MVB12B: variants seen among roughly 807,000 people sequenced by gnomAD.
The protein encoded by MVB12B is ESCRT-I complex subunit MVB12B.
In MVB12B, 16 loss-of-function variants were observed where a neutral mutation model predicts 41.6. The ratio of observed to expected loss-of-function variants is 0.38; its 90% confidence interval spans 0.26 to 0.58. The LOEUF (loss-of-function observed/expected upper bound fraction) is 0.58, where lower values mean the gene tolerates loss of function less well. Ranked by LOEUF, MVB12B falls within the 20% of genes least tolerant of loss-of-function variation. MVB12B has a pLI of 0.62. For missense variants in MVB12B, 274 were observed against 380.2 expected (o/e 0.72, Z 2.32); for synonymous variants, 133 against 139.7 (o/e 0.95, Z 0.34).
At chr9:126,470,929 T>A (rs918334922) in intron 7 of MVB12B, among the ~76,000 whole-genome samples, 4 of 152,216 alleles carry the variant, frequency 2.6e-5, no homozygotes, top group Admixed American at 2.0e-4. Context: ...GTAATAACAC[T>A]AACACTAATA....
intron 8 of MVB12B, among the ~76,000 whole-genome samples, chr9:126,482,951 C>G (rs2119208568): frequency 6.6e-6 from 1 of 152,392 alleles, no homozygotes; most frequent in African/African-American, 2.4e-5. Context: ...TAACCCGCAG[C>G]TGCATCGCCA....
At chr9:126,404,819 G>C (rs60571613) in intron 6 of MVB12B, among the ~76,000 whole-genome samples, 1 of 152,234 alleles carries the variant, frequency 6.6e-6, no homozygotes, top group East Asian at 1.9e-4. Context: ...TCTGGTGATC[G>C]TGAGAGTGGC....
rs1830494328 is a variant in MVB12B, at chr9:126,376,850, C to T, written c.205-4214C>T. ...CTGGGGTGGGCACCTGGGAGTCTAA[C>T]CACTTTGTTTATGAACCTTGTTTCA... On this transcript the variant is annotated intron_variant, in intron 2 of 9. Coordinates refer to ENST00000361171, the MANE Select transcript of MVB12B (RefSeq NM_033446.3). This position sits in a 1 kb window ranked among gnomAD's most constrained non-coding sequence, Gnocchi z 4.1. Among the ~76,000 whole-genome samples the T allele has an allele frequency of 6.6e-6, 1 of 152,160 alleles. No homozygotes were observed. The highest frequency in any genetic ancestry group is 1.5e-5 in the Non-Finnish European group (1 of 68,036).
At chr9:126,450,686 T>C (rs76327823) in intron 7 of MVB12B, among the ~76,000 whole-genome samples, 1 of 152,210 alleles carries the variant, frequency 6.6e-6, no homozygotes, top group East Asian at 1.9e-4. Context: ...TCAAGTCTCA[T>C]AGCAACCCAA....
At chr9:126,373,853 A>G (rs1830408852) in intron 2 of MVB12B, among the ~76,000 whole-genome samples, 1 of 152,264 alleles carries the variant, frequency 6.6e-6, no homozygotes. Flanking sequence ...AAAAGCAGAA[A>G]TACAGGGGAA....
chr9:126,366,551 G>A (rs1256271701), intron 2 of MVB12B, among the ~76,000 whole-genome samples: 3 of 152,034 alleles, frequency 2.0e-5, no homozygotes, highest in South Asian at 2.1e-4. Context: ...ATTTTATAAC[G>A]TGCTTATTAT....
At chr9:126,446,148 T>C (rs1012763553) in intron 7 of MVB12B, among the ~76,000 whole-genome samples, 1 of 149,790 alleles carries the variant, frequency 6.7e-6, no homozygotes, top group Admixed American at 6.7e-5. Context: ...TTTCCAAAGA[T>C]TTTTTTTTTA....
At chr9:126,420,182 A>T (rs1185652875) in intron 6 of MVB12B, among the ~76,000 whole-genome samples, 1 of 152,200 alleles carries the variant, frequency 6.6e-6, no homozygotes, top group South Asian at 2.1e-4. Context: ...CTCCGAGCAC[A>T]TGTCACGTTG....
At chr9:126,461,827 C>T (rs572130874) in intron 7 of MVB12B, among the ~76,000 whole-genome samples, 255 of 141,834 alleles carry the variant, frequency 1.8e-3, no homozygotes, top group African/African-American at 6.7e-3. Context: ...GGCTGGCCAG[C>T]GCTGGGAGGG....
chr9:126,440,081 C>T (rs1341534717), intron 7 of MVB12B, among the ~76,000 whole-genome samples: 1 of 152,140 alleles, frequency 6.6e-6, no homozygotes, highest in Admixed American at 6.6e-5. Context: ...GGAATTAATG[C>T]CTGGTTTGGA....
chr9:126,446,893 C>T, intron 7 of MVB12B, among the ~76,000 whole-genome samples: 1 of 139,088 alleles, frequency 7.2e-6, no homozygotes, highest in Admixed American at 7.1e-5. Context: ...TTGCTTTATA[C>T]TATTTAATAA....
chr9:126,414,587 A>G (rs1406925549), intron 6 of MVB12B, among the ~76,000 whole-genome samples: 2 of 152,208 alleles, frequency 1.3e-5, no homozygotes, highest in East Asian at 3.8e-4. Flanking sequence ...TCCAAGACCT[A>G]CTGGGGAAGG....
intron 6 of MVB12B, among the ~76,000 whole-genome samples, chr9:126,413,469 C>T (rs985461688): frequency 6.6e-6 from 1 of 152,130 alleles, no homozygotes; most frequent in Admixed American, 6.5e-5. Context: ...TAGGTCATTT[C>T]CCACATTTCA....
intron 7 of MVB12B, among the ~76,000 whole-genome samples, chr9:126,424,702 C>T (rs1251309332): frequency 6.6e-6 from 1 of 152,242 alleles, no homozygotes; most frequent in African/African-American, 2.4e-5. Context: ...CTCTCTTGCC[C>T]ACGGAAGTGG....
chr9:126,470,403 G>T (rs1469439271), intron 7 of MVB12B, among the ~76,000 whole-genome samples: 1 of 152,194 alleles, frequency 6.6e-6, no homozygotes, highest in African/African-American at 2.4e-5. Flanking sequence ...GGTGTGGACT[G>T]TGGGGCAGCT....
intron 3 of MVB12B, among the ~76,000 whole-genome samples, chr9:126,384,002 T>C (rs977199912): frequency 6.6e-6 from 1 of 151,770 alleles, no homozygotes. Flanking sequence ...GAGAAGGATA[T>C]TGATGAATGC....
Position 126,429,302 on chromosome 9 carries a change from G to A in MVB12B, c.757+7354G>A, listed in dbSNP as rs539437709. ...AGAAAAAGAAGAAATGAATGGGAGC[G>A]GATGGGGAATTGATCGCATGGTGTA... is the stretch of plus-strand genomic sequence containing the variant. On this transcript the variant is annotated intron_variant, in intron 7 of 9. Coordinates refer to ENST00000361171, the MANE Select transcript of MVB12B (RefSeq NM_033446.3). Among the ~76,000 whole-genome samples, 5 of 152,264 alleles carry A rather than the reference G, an allele frequency of 3.3e-5. No individual in the cohort carries two copies. The East Asian group carries it at 7.7e-4, about 24-fold the overall frequency.
intron 4 of MVB12B, among the ~76,000 whole-genome samples, chr9:126,387,944 C>T (rs532183500): frequency 3.9e-4 from 59 of 152,240 alleles, no homozygotes; most frequent in African/African-American, 1.3e-3. Flanking sequence ...TTAACCACGG[C>T]GGCACACTGG....
chr9:126,455,335 G>A (rs569896927), intron 7 of MVB12B, among the ~76,000 whole-genome samples: 15 of 151,966 alleles, frequency 9.9e-5, no homozygotes, highest in Middle Eastern at 3.4e-3. Flanking sequence ...CAACAGGCAC[G>A]TGCCACCACG....
Sources: gnomAD v4.1 joint callset for allele counts (sites outside exome capture counted in the v4.1 genomes callset) on GRCh38, gnomAD v4.1.1 for gene constraint, Gnocchi (gnomAD v3.1) non-coding constraint, MANE v1.5 for transcripts, NCBI Gene and HGNC (gene_info 2026-07-23, HGNC 2026-07-21) for gene names.